Variants in BCAS4 observed in about 807,000 individuals in gnomAD.
BCAS4 encodes the protein breast carcinoma-amplified sequence 4.
BCAS4 carries 9 observed loss-of-function variants against 15.7 expected under a neutral mutation model. The observed-to-expected ratio is 0.57, with a 90% CI of 0.34 to 1.00. The LOEUF (loss-of-function observed/expected upper bound fraction) is 1.00, where lower values mean the gene tolerates loss of function less well. Among genes scored for constraint, BCAS4 ranks in the 50% least tolerant of loss-of-function variants. The pLI, the probability that BCAS4 is intolerant of heterozygous loss-of-function variation, is 0.02. For synonymous variants in BCAS4, 101 were observed against 99.5 expected, an observed-to-expected ratio of 1.02 and a Z score of -0.09; for missense variants, 225 against 239.1, an observed-to-expected ratio of 0.94 and a Z score of 0.39.
intron 3 of BCAS4, among the ~76,000 whole-genome samples, chr20:50,834,460 G>A (rs1002004363): frequency 4.6e-5 from 7 of 151,436 alleles, no homozygotes; most frequent in Admixed American, 3.3e-4. Context: ...ACACCTGGCT[G>A]ATTTTTGTAT....
Position 50,837,431 on chromosome 20 carries a change from A to C in BCAS4, c.265-4335A>C, listed in dbSNP as rs1471488523. 2.0e-5 allele frequency among the ~76,000 whole-genome samples: 3 copies of C among 152,312 alleles called. 1 individual carries two copies. The South Asian group carries it at 6.2e-4, about 32-fold the overall frequency. ...GCAAGACCCCTGTGTCCAGGGGGGA[A>C]AATGTGTTCAAATTCCTCAGTACTT... is the stretch of plus-strand genomic sequence containing the variant. On this transcript the variant is annotated intron_variant, in intron 3 of 4. Transcript: ENST00000371608.
intron 2 of BCAS4, 142 bp downstream of exon 2, chr20:50,818,424 G>A (rs2088168550): frequency 4.2e-6 from 3 of 715,574 alleles, no homozygotes; most frequent in African/African-American, 3.6e-5. Context: ...GGAAAGCCAC[G>A]TGCAAACACT....
chr20:50,823,089 C>T (rs2088236280), intron 2 of BCAS4, among the ~76,000 whole-genome samples: 1 of 151,908 alleles, frequency 6.6e-6, no homozygotes, highest in Admixed American at 6.6e-5. Flanking sequence ...CCTGTAATCC[C>T]AGCACTTTGG....
chr20:50,843,194 C>T (rs1568673150), intron 4 of BCAS4, among the ~76,000 whole-genome samples: 2 of 151,834 alleles, frequency 1.3e-5, no homozygotes, highest in Non-Finnish European at 1.5e-5. Flanking sequence ...TGGACTTCAG[C>T]GATCCTCCTG....
At chr20:50,804,232 T>A (rs921850464) in intron 1 of BCAS4, among the ~76,000 whole-genome samples, 1 of 151,474 alleles carries the variant, frequency 6.6e-6, no homozygotes, top group African/African-American at 2.4e-5. Context: ...AGAGGCGGGG[T>A]TTCACCATGT....
At chr20:50,862,902 C>CA (rs1212585579) in intron 4 of BCAS4, among the ~76,000 whole-genome samples, 1 of 152,124 alleles carries the variant, frequency 6.6e-6, no homozygotes, top group African/African-American at 2.4e-5. Flanking sequence ...TGCAGTGGCA[C>CA]AATCTCAGCT....
chr20:50,875,061 G>A (rs1245686815), intron 4 of BCAS4, among the ~76,000 whole-genome samples: 3 of 152,182 alleles, frequency 2.0e-5, no homozygotes, highest in South Asian at 2.1e-4. Context: ...GGTGCAGGCC[G>A]TGGTCCTTAC....
intron 2 of BCAS4, among the ~76,000 whole-genome samples, chr20:50,827,031 A>C (rs545775122): frequency 1.6e-4 from 25 of 152,284 alleles, no homozygotes; most frequent in Non-Finnish European, 2.8e-4. Context: ...AACAAACAAA[A>C]AAAACGAAGA....
chr20:50,799,089 T>C (rs986599747), intron 1 of BCAS4, among the ~76,000 whole-genome samples: 2 of 152,188 alleles, frequency 1.3e-5, no homozygotes, highest in African/African-American at 4.8e-5. Context: ...CTGCGACTTT[T>C]CACTGCCTTT....
At chr20:50,801,987 CA>C (rs1003194604) in intron 1 of BCAS4, among the ~76,000 whole-genome samples, 30 of 151,760 alleles carry the variant, frequency 2.0e-4, no homozygotes, top group Non-Finnish European at 1.6e-4. Context: ...CCTGGGTCCC[CA>C]GGGGGGGAGT....
rs572718477 is a variant in BCAS4, at chr20:50,840,930, A to C, written c.265-836A>C. 3 of 568,564 alleles carry C rather than the reference A, an allele frequency of 5.3e-6. No homozygotes were observed. The African/African-American group carries it at 5.7e-5, about 11-fold the overall frequency. 35.2% of individuals were successfully genotyped at this position (568,564 alleles called of 1,614,324 possible). On this transcript the variant is annotated intron_variant, in intron 3 of 4. Transcript: ENST00000371608. ...CTGCAACCTCCGCCTCCCGGGTTCA[A>C]GTAATTTTCCTGTCTCAGCCTCCCG...
At chr20:50,816,088 C>T (rs1380997160) in intron 1 of BCAS4, among the ~76,000 whole-genome samples, 1 of 152,170 alleles carries the variant, frequency 6.6e-6, no homozygotes, top group African/African-American at 2.4e-5. Flanking sequence ...TACAGTGGCA[C>T]AATCTTGGCT....
chr20:50,867,339 G>A (rs1367241668), intron 4 of BCAS4, among the ~76,000 whole-genome samples: 1 of 152,026 alleles, frequency 6.6e-6, no homozygotes, highest in Non-Finnish European at 1.5e-5. Context: ...TTTTGGTCTT[G>A]GGCTTTTGTT....
At chr20:50,816,636 C>T (rs1013337076) in intron 1 of BCAS4, among the ~76,000 whole-genome samples, 12 of 152,028 alleles carry the variant, frequency 7.9e-5, no homozygotes. Context: ...TGTTAATGTC[C>T]AGCCTGATGA....
chr20:50,834,076 G>A lies in BCAS4; in HGVS notation c.264+3696G>A, dbSNP rs146056162. Among the ~76,000 whole-genome samples the A allele has an allele frequency of 3.5e-3, 533 of 152,264 alleles. 1 individual carries two copies. The highest frequency in any genetic ancestry group is 6.7e-3 in the Admixed American group (102 of 15,280). ...CTCAAGGTCAGGAATGAGACGGAGT[G>A]AGGGGTGTAGCCCATAGGGTAGGGC... On this transcript the variant is annotated intron_variant, in intron 3 of 4. Transcript: ENST00000371608.
At chr20:50,810,363 A>G (rs535746424) in intron 1 of BCAS4, among the ~76,000 whole-genome samples, 27 of 152,088 alleles carry the variant, frequency 1.8e-4, no homozygotes, top group Middle Eastern at 3.4e-3. Flanking sequence ...CCACCTCTTC[A>G]CCGGAGTTGC....
chr20:50,864,781 G>A (rs1025791220), intron 4 of BCAS4, among the ~76,000 whole-genome samples: 2 of 152,062 alleles, frequency 1.3e-5, no homozygotes, highest in African/African-American at 2.4e-5. Context: ...GCCGCCTTCT[G>A]TGTGCTTTAT....
intron 2 of BCAS4, among the ~76,000 whole-genome samples, chr20:50,818,595 C>T (rs1271255843): frequency 2.0e-5 from 3 of 152,216 alleles, no homozygotes; most frequent in Non-Finnish European, 2.9e-5. Context: ...TGCAGGGAGC[C>T]GTTCAGCGGG....
In BCAS4 at chr20:50,847,906, G is replaced by A. The variant is rs191835463; in HGVS notation, c.399+6006G>A. Among the ~76,000 whole-genome samples, 10 of 152,126 alleles carry A rather than the reference G, an allele frequency of 6.6e-5. No individual in the cohort carries two copies. In the South Asian group the frequency reaches 1.5e-3, roughly 22 times the overall value. ...AAAAAAATACAAAACTTTGCCAGGG[G>A]TGGTGGTGCATGCCTGTATTCCCAG... On this transcript the variant is annotated intron_variant, in intron 4 of 4. Coordinates refer to ENST00000371608, the MANE Select transcript of BCAS4 (RefSeq NM_198799.4).
Sources: gnomAD v4.1 joint callset for allele counts (sites outside exome capture counted in the v4.1 genomes callset) on GRCh38, gnomAD v4.1.1 for gene constraint, MANE v1.5 for transcripts, NCBI Gene and HGNC (gene_info 2026-07-23, HGNC 2026-07-21) for gene names.